The following FGGY variants were observed in gnomAD, a reference collection of about 807,000 sequenced individuals.
FGGY encodes FGGY carbohydrate kinase domain-containing protein.
In FGGY, 72 loss-of-function variants were observed where a neutral mutation model predicts 71.3. That is an observed-to-expected ratio of 1.01 (90% confidence interval 0.84 to 1.23). The LOEUF (loss-of-function observed/expected upper bound fraction) is 1.23. Ranked by LOEUF, FGGY falls within the 50% of genes most tolerant of loss-of-function variation. The probability of loss-of-function intolerance (pLI) is 0.00; values close to 1 mark genes in which losing one functional copy is unlikely to be tolerated. For synonymous variants in FGGY, 251 were observed against 250.3 expected, an observed-to-expected ratio of 1.00 and a Z score of -0.02; for missense variants, 668 against 682.3, an observed-to-expected ratio of 0.98 and a Z score of 0.23.
intron 5 of FGGY, among the ~76,000 whole-genome samples, chr1:59,454,232 C>G (rs1318110563): frequency 6.6e-6 from 1 of 152,090 alleles, no homozygotes; most frequent in African/African-American, 2.4e-5. Context: ...TAGGAGTTAC[C>G]CTGTGTGATT....
intron 4 of FGGY, among the ~76,000 whole-genome samples, chr1:59,349,596 C>A (rs923679093): frequency 6.6e-6 from 1 of 152,174 alleles, no homozygotes. Flanking sequence ...TTGTGACCCT[C>A]TGAGAACATC....
Position 59,347,963 on chromosome 1 carries a change from C to A in FGGY, c.465+1565C>A, listed in dbSNP as rs534026109. ...AAGCCAAAATTGACAAATGGGATCTCATTAAACTAAAGAGCTTCTGCACAG... is the reference window on the plus strand; with the variant it reads ...AAGCCAAAATTGACAAATGGGATCTAATTAAACTAAAGAGCTTCTGCACAG... On this transcript the variant is annotated intron_variant, in intron 4 of 15. Transcript: ENST00000303721. 6.6e-5 allele frequency among the ~76,000 whole-genome samples: 10 copies of A among 151,986 alleles called. No individual in the cohort carries two copies. In the East Asian group the frequency reaches 7.7e-4, roughly 12 times the overall value.
rs570828724 is a variant in FGGY at position 59,328,842 on chromosome 1, A to C, written c.201+7092A>C. Among the ~76,000 whole-genome samples, 5 of 152,166 alleles carry C rather than the reference A, an allele frequency of 3.3e-5. No homozygotes were observed. The East Asian group carries it at 9.7e-4, about 29-fold the overall frequency. On this transcript the variant is annotated intron_variant, in intron 2 of 15. Transcript: ENST00000303721. ...AGAGGGAGAGAGATGAGGAATAGCTAGTCTGTGGAGCAGTGAGAACACACA... is the reference window on the plus strand; with the variant it reads ...AGAGGGAGAGAGATGAGGAATAGCTCGTCTGTGGAGCAGTGAGAACACACA...
chr1:59,447,028 A>G (rs1311132546), intron 5 of FGGY, among the ~76,000 whole-genome samples: 2 of 152,182 alleles, frequency 1.3e-5, no homozygotes, highest in African/African-American at 4.8e-5. Flanking sequence ...TGCTGAGGCT[A>G]CTTCATGGTC....
intron 8 of FGGY, among the ~76,000 whole-genome samples, chr1:59,575,068 A>G (rs2096056422): frequency 6.6e-6 from 1 of 152,224 alleles, no homozygotes; most frequent in South Asian, 2.1e-4. Context: ...AAATGATTAA[A>G]TCAAGCTTAT....
chr1:59,398,313 A>C (rs1182987277), intron 5 of FGGY, among the ~76,000 whole-genome samples: 1 of 152,068 alleles, frequency 6.6e-6, no homozygotes, highest in African/African-American at 2.4e-5. Context: ...GTCTCAGTGC[A>C]CTGCAACCTC....
At chr1:59,407,079 C>T (rs1409485966) in intron 5 of FGGY, among the ~76,000 whole-genome samples, 1 of 152,176 alleles carries the variant, frequency 6.6e-6, no homozygotes, top group Non-Finnish European at 1.5e-5. Flanking sequence ...TTTGTCCCTC[C>T]CTCTGTCTGC....
chr1:59,472,799 G>A (rs1431649885), intron 6 of FGGY, among the ~76,000 whole-genome samples: 2 of 151,994 alleles, frequency 1.3e-5, no homozygotes, highest in Non-Finnish European at 2.9e-5. Context: ...GTCTAGCTCA[G>A]GGATTGTAAA....
At chr1:59,440,503 G>C (rs1329146557) in intron 5 of FGGY, among the ~76,000 whole-genome samples, 2 of 151,856 alleles carry the variant, frequency 1.3e-5, no homozygotes, top group Admixed American at 1.3e-4. Flanking sequence ...AACACTCAAA[G>C]TAGTCTTCCT....
chr1:59,396,754 G>A (rs1224646907), intron 5 of FGGY, among the ~76,000 whole-genome samples: 2 of 152,152 alleles, frequency 1.3e-5, no homozygotes, highest in Non-Finnish European at 2.9e-5. Context: ...TTAAAATGGG[G>A]ATAATATTAC....
intron 7 of FGGY, among the ~76,000 whole-genome samples, chr1:59,542,325 G>A (rs1056126551): frequency 6.6e-6 from 1 of 151,876 alleles, no homozygotes; most frequent in Admixed American, 6.6e-5. Flanking sequence ...ATGTAAAGTT[G>A]TGCTCTGTAA....
rs143113968 is a variant in FGGY at position 59,400,697 on chromosome 1, G to T, written c.554+21860G>T. On this transcript the variant is annotated intron_variant, in intron 5 of 15. Transcript: ENST00000303721. ...TTTAACTCTTCTTTATAAACTATGA[G>T]GAATTCCCAAATAGAATGTTACCTT... 3.8e-3 allele frequency among the ~76,000 whole-genome samples: 578 copies of T among 151,786 alleles called. 4 individuals are homozygous for T. The highest frequency in any genetic ancestry group is 0.013 in the African/African-American group (541 of 41,464).
At chr1:59,518,444 G>A (rs1489020622) in intron 7 of FGGY, among the ~76,000 whole-genome samples, 4 of 152,164 alleles carry the variant, frequency 2.6e-5, no homozygotes, top group Admixed American at 6.5e-5. Flanking sequence ...AGTCCATTGC[G>A]TTTGTAAACT....
intron 4 of FGGY, among the ~76,000 whole-genome samples, chr1:59,360,127 G>GTTATTATTATTGTTATTA (rs2055171522): frequency 4.8e-5 from 7 of 145,668 alleles, no homozygotes; most frequent in African/African-American, 1.3e-4. Flanking sequence ...TTCTATCATT[G>GTTATTATTATTGTTATTA]TTATTATTAT....
At chr1:59,347,106 A>G (rs201022757) in intron 4 of FGGY, among the ~76,000 whole-genome samples, 1 of 30,124 alleles carries the variant, frequency 3.3e-5, no homozygotes, top group African/African-American at 1.3e-4. Context: ...GTTATTCTTT[A>G]TTATTATACT....
intron 8 of FGGY, among the ~76,000 whole-genome samples, chr1:59,585,723 G>C (rs1164081457): frequency 1.3e-5 from 2 of 152,102 alleles, no homozygotes; most frequent in East Asian, 1.9e-4. Context: ...TACCATCAGG[G>C]TGAACAGGCA....
chr1:59,704,207 G>A (rs1316245187), intron 14 of FGGY, among the ~76,000 whole-genome samples: 3 of 152,090 alleles, frequency 2.0e-5, no homozygotes, highest in Admixed American at 6.6e-5. Context: ...ATCAGCAGAA[G>A]AGCGACCCAG....
chr1:59,497,872 TCACACTGCTGC>T (rs1162945644), intron 6 of FGGY, among the ~76,000 whole-genome samples: 5 of 151,984 alleles, frequency 3.3e-5, no homozygotes, highest in Non-Finnish European at 7.4e-5. Context: ...CAGAATACTC[TCACACTGCTGC>T]CCCATTTTTC....
At chr1:59,588,125 G>C (rs34835823) in intron 8 of FGGY, among the ~76,000 whole-genome samples, 16,301 of 152,192 alleles carry the variant, frequency 0.11, 1,041 homozygotes, top group South Asian at 0.3. Context: ...GAAAGCCAAG[G>C]CTCGAGAACT....
Sources: allele counts gnomAD v4.1 joint callset (sites outside exome capture counted in the v4.1 genomes callset), GRCh38; gene constraint gnomAD v4.1.1; transcripts MANE v1.5; gene names NCBI Gene and HGNC (gene_info 2026-07-23, HGNC 2026-07-21).